Variants in FARS2 observed in about 807,000 individuals in gnomAD.
FARS2 encodes the protein phenylalanyl-tRNA synthetase 2, mitochondrial.
In FARS2, 40 loss-of-function variants were observed where a neutral mutation model predicts 46.4. The ratio of observed to expected loss-of-function variants is 0.86; its 90% CI spans 0.67 to 1.12. The LOEUF is 1.12. Ranked by LOEUF, FARS2 falls within the 50% of genes most tolerant of loss-of-function variation. The pLI, the probability that FARS2 is intolerant of heterozygous loss-of-function variation, is 0.00. For missense variants in FARS2, 513 were observed against 567.9 expected (o/e 0.90, Z 0.98); for synonymous variants, 234 against 214.9 (o/e 1.09, Z -0.78).
At chr6:5,589,884 T>C (rs1428931703) in intron 5 of FARS2, among the ~76,000 whole-genome samples, 1 of 152,218 alleles carries the variant, frequency 6.6e-6, no homozygotes, top group Non-Finnish European at 1.5e-5. Context: ...TACATATAAA[T>C]GAGCTGCTAT....
At chr6:5,344,792 C>CTT (rs757967957) in intron 1 of FARS2, among the ~76,000 whole-genome samples, 4 of 143,632 alleles carry the variant, frequency 2.8e-5, no homozygotes, top group African/African-American at 2.5e-5. Flanking sequence ...TTTCTTTTCT[C>CTT]TTTTTTTTTT....
At chr6:5,382,035 C>T (rs988373062) in intron 2 of FARS2, among the ~76,000 whole-genome samples, 32 of 152,184 alleles carry the variant, frequency 2.1e-4, no homozygotes, top group Non-Finnish European at 7.3e-5. Flanking sequence ...ATGGGTCCTG[C>T]GGGGAGCAGA....
intron 5 of FARS2, among the ~76,000 whole-genome samples, chr6:5,599,235 C>T (rs1774370441): frequency 6.6e-6 from 1 of 152,134 alleles, no homozygotes; most frequent in Admixed American, 6.6e-5. Flanking sequence ...AGATGGAAGG[C>T]TTATATCTGT....
At chr6:5,488,310 G>A (rs537325241) in intron 4 of FARS2, among the ~76,000 whole-genome samples, 1 of 152,188 alleles carries the variant, frequency 6.6e-6, no homozygotes, top group African/African-American at 2.4e-5. Context: ...TCTGTTCCTT[G>A]TGGAGAACTT....
intron 4 of FARS2, among the ~76,000 whole-genome samples, chr6:5,511,623 A>C (rs1269798237): frequency 6.6e-6 from 1 of 152,226 alleles, no homozygotes; most frequent in Non-Finnish European, 1.5e-5. Flanking sequence ...TTCCTAAGCC[A>C]GGTAATGCCT....
chr6:5,614,411 C>CTTTTTTTT (rs199992978), intron 6 of FARS2, among the ~76,000 whole-genome samples: 39 of 139,468 alleles, frequency 2.8e-4, no homozygotes, highest in African/African-American at 1.0e-3. Context: ...CCTTCTTTGT[C>CTTTTTTTT]TTTTTTTTTT....
At chr6:5,666,878 C>T (rs2150795343) in intron 6 of FARS2, among the ~76,000 whole-genome samples, 1 of 152,314 alleles carries the variant, frequency 6.6e-6, no homozygotes, top group South Asian at 2.1e-4. Context: ...CCGTGGAATA[C>T]TATGCAACCA....
intron 4 of FARS2, among the ~76,000 whole-genome samples, chr6:5,483,986 A>C (rs79041495): frequency 0.01 from 1,586 of 152,174 alleles, 31 homozygotes; most frequent in African/African-American, 0.036. Context: ...CTTACAGGCA[A>C]TAGCTACTGA....
At position 5,311,069 on chromosome 6, in the gene FARS2, C is replaced by T. The variant is rs1223726918; in HGVS notation, c.-22+49409C>T. On this transcript the variant is annotated intron_variant, in intron 1 of 6. Transcript: ENST00000274680. This position sits in a 1 kb window ranked among gnomAD's most constrained non-coding sequence, Gnocchi z 4.1. ...CTTATTTCAGCACTGGTTGTCACAG[C>T]AGAAACCTGGGAACAGTCAGAACAC... 2.6e-5 allele frequency among the ~76,000 whole-genome samples: 4 copies of T among 152,190 alleles called. No homozygotes were observed. The East Asian group carries it at 7.7e-4, about 29-fold the overall frequency.
At chr6:5,546,170 A>G (rs1770973796) in intron 5 of FARS2, among the ~76,000 whole-genome samples, 1 of 152,090 alleles carries the variant, frequency 6.6e-6, no homozygotes, top group Non-Finnish European at 1.5e-5. Context: ...TAAACACACA[A>G]GGGGTTCATA....
chr6:5,518,445 G>A (rs926751962), intron 4 of FARS2, among the ~76,000 whole-genome samples: 8 of 152,120 alleles, frequency 5.3e-5, no homozygotes, highest in African/African-American at 1.7e-4. Flanking sequence ...AGTTTTGGAA[G>A]GATGTCAGAG....
intron 4 of FARS2, among the ~76,000 whole-genome samples, chr6:5,520,037 A>G (rs140979423): frequency 7.2e-5 from 11 of 152,234 alleles, no homozygotes; most frequent in East Asian, 1.9e-4. Context: ...CCAGTTCCCC[A>G]CAATGCTGTG....
At chr6:5,620,095 C>T (rs369931974) in intron 6 of FARS2, among the ~76,000 whole-genome samples, 1 of 152,118 alleles carries the variant, frequency 6.6e-6, no homozygotes, top group East Asian at 1.9e-4. Context: ...CTCTGCACTA[C>T]TGATATTTTG....
intron 1 of FARS2, among the ~76,000 whole-genome samples, chr6:5,348,188 A>G (rs2127601299): frequency 6.6e-6 from 1 of 152,308 alleles, no homozygotes; most frequent in Middle Eastern, 3.4e-3. Flanking sequence ...CCATTCTCTC[A>G]ATATTTTCTT....
At chr6:5,483,938 G>C (rs1766624980) in intron 4 of FARS2, among the ~76,000 whole-genome samples, 1 of 152,000 alleles carries the variant, frequency 6.6e-6, no homozygotes, top group South Asian at 2.1e-4. Context: ...TACTCCAGGG[G>C]AAAAAGGAGA....
intron 6 of FARS2, among the ~76,000 whole-genome samples, chr6:5,662,063 CTT>C (rs1777876149): frequency 6.6e-6 from 1 of 152,146 alleles, no homozygotes; most frequent in African/African-American, 2.4e-5. Context: ...AATATTTTCT[CTT>C]GTTTTGCTTA....
chr6:5,513,417 G>A (rs778772152), intron 4 of FARS2, among the ~76,000 whole-genome samples: 1 of 152,208 alleles, frequency 6.6e-6, no homozygotes, highest in Non-Finnish European at 1.5e-5. Context: ...AGTACTGACA[G>A]GGGAAGTTAT....
intron 5 of FARS2, among the ~76,000 whole-genome samples, chr6:5,552,570 G>C (rs746379526): frequency 2.6e-5 from 4 of 152,208 alleles, no homozygotes; most frequent in African/African-American, 7.2e-5. Context: ...AACAGTCTCT[G>C]ATTGATGGGA....
intron 6 of FARS2, among the ~76,000 whole-genome samples, chr6:5,627,303 A>G (rs1322883579): frequency 6.6e-6 from 1 of 152,260 alleles, no homozygotes; most frequent in Non-Finnish European, 1.5e-5. Flanking sequence ...TGTTTGACAG[A>G]TGTGGCTGCT....
Sources: allele counts gnomAD v4.1 joint callset (sites outside exome capture counted in the v4.1 genomes callset), GRCh38; gene constraint gnomAD v4.1.1; non-coding constraint Gnocchi (gnomAD v3.1); transcripts MANE v1.5; gene names NCBI Gene and HGNC (gene_info 2026-07-23, HGNC 2026-07-21).